Variants in TRIM24 observed in about 807,000 individuals in gnomAD.
The protein encoded by TRIM24 is transcription intermediary factor 1-alpha.
A neutral mutation model predicts 123.9 loss-of-function variants in TRIM24; 29 were observed. The ratio of observed to expected loss-of-function variants is 0.23; its 90% CI spans 0.17 to 0.32. The LOEUF (loss-of-function observed/expected upper bound fraction) is 0.32, where lower values mean the gene tolerates loss of function less well. Ranked by LOEUF, TRIM24 falls within the 10% of genes least tolerant of loss-of-function variation. TRIM24 has a pLI of 1.00. For synonymous variants in TRIM24, 456 were observed against 461.1 expected, an observed-to-expected ratio of 0.99 and a Z score of 0.14; for missense variants, 932 against 1,295.3, an observed-to-expected ratio of 0.72 and a Z score of 4.31.
rs1306826797 is a variant in TRIM24 at position 138,562,078 on chromosome 7, CTTCCTGGACA to C, written c.1531-5402_1531-5393del. Reference sequence around the variant, plus strand: ...CTCTCCTGGAGCAGATTTGAGCCTTCTTCCTGGACACCTTATACAGGAGATGGAGGAGGTC... The same window carrying C: ...CTCTCCTGGAGCAGATTTGAGCCTTCCCTTATACAGGAGATGGAGGAGGTC... On this transcript the variant is annotated intron_variant, in intron 9 of 18. Coordinates refer to ENST00000343526, the MANE Select transcript of TRIM24 (RefSeq NM_015905.3). Among the ~76,000 whole-genome samples the C allele has an allele frequency of 6.6e-5, 10 of 152,156 alleles. 1 individual carries two copies. The highest frequency in any genetic ancestry group is 7.4e-5 in the Non-Finnish European group (5 of 68,024).
rs182788542 is a variant in TRIM24 at position 138,532,769 on chromosome 7, C to T, written c.996+3539C>T. Among the ~76,000 whole-genome samples the T allele has an allele frequency of 3.6e-3, 552 of 152,188 alleles. 1 individual carries two copies. Among genetic ancestry groups the T allele is most frequent in the African/African-American group, 0.012 (489 of 41,542 alleles). The stretch of plus-strand genomic sequence containing the variant: ...GTGAAGAAAGTCATTGGTAGCTCAA[C>T]GGGGATGGCATTGAATCTATAAATT... On this transcript the variant is annotated intron_variant, in intron 6 of 18. Transcript: ENST00000343526.
chr7:138,497,536 A>G (rs1795938555), intron 1 of TRIM24, among the ~76,000 whole-genome samples: 1 of 150,182 alleles, frequency 6.7e-6, no homozygotes, highest in South Asian at 2.1e-4. Context: ...AGCTAGGATT[A>G]GGCAGCTACC....
At chr7:138,584,625 T>TTG in intron 18 of TRIM24, 117 bp from the exon 19 acceptor site, 1 of 805,456 alleles carries the variant, frequency 1.2e-6, no homozygotes, top group Non-Finnish European at 1.9e-6. Flanking sequence ...TGTCTAGTCC[T>TTG]AAACTATTAT....
intron 7 of TRIM24, among the ~76,000 whole-genome samples, chr7:138,540,764 T>C (rs1239960006): frequency 6.6e-6 from 1 of 152,168 alleles, no homozygotes; most frequent in African/African-American, 2.4e-5. Flanking sequence ...TTCTAGAAGG[T>C]TTTTAATTTA....
Position 138,531,988 on chromosome 7 carries a change from ATG to A in TRIM24, c.996+2762_996+2763del, listed in dbSNP as rs576713144. Among the ~76,000 whole-genome samples, 17 of 152,178 alleles carry A rather than the reference ATG, an allele frequency of 1.1e-4. No individual in the cohort carries two copies. The South Asian group carries it at 2.3e-3, about 20-fold the overall frequency. On this transcript the variant is annotated intron_variant, in intron 6 of 18. Coordinates refer to ENST00000343526, the MANE Select transcript of TRIM24 (RefSeq NM_015905.3). ...GGCCAGTGATGATGAGCAATTTTTC[ATG>A]TGTCTGTTGGCTGCATAAATGTCTT...
intron 1 of TRIM24, among the ~76,000 whole-genome samples, chr7:138,467,327 G>A (rs984783553): frequency 7.8e-6 from 1 of 128,588 alleles, no homozygotes; most frequent in African/African-American, 3.0e-5. Flanking sequence ...AAGGGGGAAT[G>A]TGTTTTGTTT....
chr7:138,550,708 C>T (rs567323703), intron 7 of TRIM24, among the ~76,000 whole-genome samples: 3 of 152,156 alleles, frequency 2.0e-5, no homozygotes, highest in South Asian at 4.2e-4. Context: ...ACTCATTAGC[C>T]CCTAGTCTTC....
At chr7:138,520,115 G>C (rs1796476148) in intron 4 of TRIM24, among the ~76,000 whole-genome samples, 1 of 152,188 alleles carries the variant, frequency 6.6e-6, no homozygotes, top group African/African-American at 2.4e-5. Flanking sequence ...AGAATGGTGG[G>C]GGCCTTTTTC....
At chr7:138,568,561 A>G (rs541791752) in intron 10 of TRIM24, among the ~76,000 whole-genome samples, 53 of 151,266 alleles carry the variant, frequency 3.5e-4, no homozygotes, top group Middle Eastern at 3.4e-3. Context: ...TAATTTTTGT[A>G]TTTTTAGTAG....
chr7:138,508,700 C>CGCGTGTGT (rs1182276337), intron 2 of TRIM24, among the ~76,000 whole-genome samples: 5 of 35,504 alleles, frequency 1.4e-4, no homozygotes, highest in Admixed American at 5.9e-4. Context: ...TGTGCGCGCG[C>CGCGTGTGT]GTGTGTGCGT....
chr7:138,461,111 C>A (rs747395751), intron 1 of TRIM24, 199 bp downstream of exon 1: 2 of 717,424 alleles, frequency 2.8e-6, no homozygotes, highest in African/African-American at 1.8e-5. Flanking sequence ...CCAGCAACTT[C>A]CCCGGGCGCT....
chr7:138,575,986 C>G (rs1797749629), intron 12 of TRIM24, among the ~76,000 whole-genome samples: 1 of 152,158 alleles, frequency 6.6e-6, no homozygotes, highest in African/African-American at 2.4e-5. Flanking sequence ...TCACTGAGAT[C>G]TTACCCCTGT....
chr7:138,479,293 C>A (rs1167724233), intron 1 of TRIM24, among the ~76,000 whole-genome samples: 3 of 152,108 alleles, frequency 2.0e-5, no homozygotes, highest in Admixed American at 2.0e-4. Context: ...GCCAGTAACC[C>A]CAAAAGTTCC....
rs1236007921 is a variant in TRIM24 at position 138,588,692 on chromosome 7, C to G, written c.*3741C>G. 6.8e-6 allele frequency: 1 copy of G among 146,106 alleles called. No homozygotes were observed. The highest frequency in any genetic ancestry group is 1.5e-5 in the Non-Finnish European group (1 of 67,060). The allele number at this position is 146,106 out of a possible 1,614,324, so 9.1% of individuals were successfully genotyped here. ...GTCCAGCCTGGGTGTCAGAGCAAGA[C>G]TCTGTCACAAAAAGAAAAATTATGG... On this transcript the variant is annotated 3_prime_UTR_variant, in exon 19 of 19. Transcript: ENST00000343526.
At chr7:138,472,714 TACTCAAGGCATGAGCTGCGA>T (rs1425550893) in intron 1 of TRIM24, among the ~76,000 whole-genome samples, 2 of 152,180 alleles carry the variant, frequency 1.3e-5, no homozygotes, top group African/African-American at 4.8e-5. Context: ...AGGGCAGTGC[TACTCAAGGCATGAGCTGCGA>T]ACTATTAGGG....
At chr7:138,508,338 A>G (rs28822161) in intron 2 of TRIM24, among the ~76,000 whole-genome samples, 3,242 of 152,228 alleles carry the variant, frequency 0.021, 94 homozygotes, top group African/African-American at 0.071. Context: ...ATTTTGATCC[A>G]TATGTCCATG....
chr7:138,545,877 A>G (rs1797091252), intron 7 of TRIM24, among the ~76,000 whole-genome samples: 1 of 152,242 alleles, frequency 6.6e-6, no homozygotes, highest in African/African-American at 2.4e-5. Context: ...GTAATAATAA[A>G]TTATAACACA....
chr7:138,577,537 C>A lies in TRIM24; in HGVS notation c.2205C>A (p.Phe735Leu). 6.2e-7 allele frequency: 1 copy of A among 1,610,952 alleles called. No homozygotes were observed. The highest frequency in any genetic ancestry group is 1.1e-5 in the South Asian group (1 of 90,654). ...GTGGACCACCGGAAAATTATGATTTCCCTGTTGTTATAGTGAAGCAAGAAT... is the reference window on the plus strand; with the variant it reads ...GTGGACCACCGGAAAATTATGATTTACCTGTTGTTATAGTGAAGCAAGAAT... Reference protein sequence around the residue: ...ENSGPPENYDFPVVIVKQESD... With the variant: ...ENSGPPENYDLPVVIVKQESD... Residue 735 changes from phenylalanine to leucine, a missense_variant, in exon 14 of 19, where the codon TTC becomes TTA. Physicochemically the swap from Phe to Leu is conservative, Grantham distance 22. Coordinates refer to ENST00000343526, the MANE Select transcript of TRIM24 (RefSeq NM_015905.3).
At chr7:138,577,355 T>C (rs1797781968) in intron 13 of TRIM24, 65 bp from the exon 14 acceptor site, 3 of 1,310,268 alleles carry the variant, frequency 2.3e-6, no homozygotes, top group South Asian at 3.8e-5. Context: ...GTTGTTGTTA[T>C]ACTTTTTATG....
Sources: gnomAD v4.1 joint callset for allele counts (sites outside exome capture counted in the v4.1 genomes callset) on GRCh38, gnomAD v4.1.1 for gene constraint, MANE v1.5 for transcripts, NCBI Gene and HGNC (gene_info 2026-07-23, HGNC 2026-07-21) for gene names.